The following HIPK2 variants were observed in gnomAD, a reference collection of about 807,000 sequenced individuals.
The protein encoded by HIPK2 is homeodomain interacting protein kinase 2, also known as homeodomain-interacting protein kinase 2.
HIPK2 carries 27 observed loss-of-function variants against 113.7 expected under a neutral mutation model. The observed-to-expected ratio is 0.24, with a 90% CI of 0.17 to 0.33. HIPK2 has a LOEUF of 0.33. HIPK2 is among the 10% of genes least tolerant of loss of function. The pLI is 1.00. For missense variants in HIPK2, 1,257 were observed against 1,588.0 expected, an observed-to-expected ratio of 0.79 and a Z score of 3.54; for synonymous variants, 631 against 642.2, an observed-to-expected ratio of 0.98 and a Z score of 0.26.
At chr7:139,646,094 C>T (rs1405313824) in intron 2 of HIPK2, among the ~76,000 whole-genome samples, 2 of 152,200 alleles carry the variant, frequency 1.3e-5, no homozygotes, top group African/African-American at 4.8e-5. Context: ...GCTCTTTACA[C>T]CTCCCACTAG....
chr7:139,754,783 G>T (rs1005386141), intron 1 of HIPK2, among the ~76,000 whole-genome samples: 30 of 152,164 alleles, frequency 2.0e-4, no homozygotes, highest in African/African-American at 7.2e-4. Context: ...GAGGGGAGCT[G>T]AAGGGGAGAG....
chr7:139,673,882 TACTAAAAAAAA>T (rs1802395880), intron 2 of HIPK2, among the ~76,000 whole-genome samples: 1 of 70,318 alleles, frequency 1.4e-5, no homozygotes. Context: ...ACCCTATCTG[TACTAAAAAAAA>T]AAAAAAAAAA....
chr7:139,624,109 G>A (rs962270934), intron 6 of HIPK2, among the ~76,000 whole-genome samples: 4 of 150,772 alleles, frequency 2.7e-5, no homozygotes, highest in Non-Finnish European at 5.9e-5. Context: ...TGCAACCTCC[G>A]CCTCCTGGGT....
Position 139,563,479 on chromosome 7 carries a change from TG to T in HIPK2, c.*9447del, listed in dbSNP as rs1226280810. Reference sequence around the variant, plus strand: ...TGCCAGGAGAGATTCGTTTGGAGATTGGTTACAAGGAAGCGAGGGAGAGCAG... The same window carrying T: ...TGCCAGGAGAGATTCGTTTGGAGATTGTTACAAGGAAGCGAGGGAGAGCAG... On this transcript the variant is annotated 3_prime_UTR_variant, in exon 15 of 15. Coordinates refer to ENST00000406875, the MANE Select transcript of HIPK2 (RefSeq NM_022740.5). The T allele has an allele frequency of 5.9e-6, 1 of 168,712 alleles. No individual in the cohort carries two copies. The highest frequency in any genetic ancestry group is 1.3e-5 in the Non-Finnish European group (1 of 79,246). 10.5% of individuals were successfully genotyped at this position (168,712 alleles called of 1,614,324 possible). A position where few individuals can be genotyped will look rare whatever the true frequency, so the allele number is the denominator to read the frequency against.
chr7:139,571,504 C>T lies in HIPK2; in HGVS notation c.*1423G>A, dbSNP rs1469915494. 2 of 152,318 alleles carry T rather than the reference C, an allele frequency of 1.3e-5. No individual in the cohort carries two copies. The highest frequency in any genetic ancestry group is 2.9e-5 in the Non-Finnish European group (2 of 68,114). The allele number at this position is 152,318 out of a possible 1,614,324, so 9.4% of individuals were successfully genotyped here. On this transcript the variant is annotated 3_prime_UTR_variant, in exon 15 of 15. Coordinates refer to ENST00000406875, the MANE Select transcript of HIPK2 (RefSeq NM_022740.5). ...ACTACTGCCACAACTCAACTCCCGC[C>T]GTCCCCATCTCCAGACGCACCCGCC...
chr7:139,734,739 T>A (rs1795890755), intron 1 of HIPK2, among the ~76,000 whole-genome samples: 1 of 152,216 alleles, frequency 6.6e-6, no homozygotes, highest in Admixed American at 6.5e-5. Context: ...GACCACTGAT[T>A]CATTAATGGC....
At chr7:139,697,326 G>A (rs1340943897) in intron 2 of HIPK2, among the ~76,000 whole-genome samples, 2 of 152,172 alleles carry the variant, frequency 1.3e-5, no homozygotes, top group Non-Finnish European at 2.9e-5. Context: ...TCCGAGTGAA[G>A]GAGAAAACAA....
rs1408618936 is a variant in HIPK2, at chr7:139,567,563, T to C, written c.*5364A>G. 6.6e-6 allele frequency: 1 copy of C among 152,158 alleles called. No homozygotes were observed. Among genetic ancestry groups the C allele is most frequent in the Admixed American group, 6.5e-5 (1 of 15,274 alleles). The allele number at this position is 152,158 out of a possible 1,614,324, so 9.4% of individuals were successfully genotyped here. A position where few individuals can be genotyped will look rare whatever the true frequency, so the allele number is the denominator to read the frequency against. ...GGCTAAAGAAAGGAACAGTTTCACC[T>C]TCCTTTCCAATTTGGTAAGGACATC... On this transcript the variant is annotated 3_prime_UTR_variant, in exon 15 of 15. Transcript: ENST00000406875.
intron 2 of HIPK2, among the ~76,000 whole-genome samples, chr7:139,667,687 G>C (rs1164233959): frequency 1.3e-5 from 2 of 152,052 alleles, no homozygotes. Context: ...CCAGATTCTC[G>C]GGAAAATATT....
At chr7:139,775,887 T>C (rs769593723) in intron 1 of HIPK2, among the ~76,000 whole-genome samples, 2 of 152,210 alleles carry the variant, frequency 1.3e-5, no homozygotes, top group Non-Finnish European at 2.9e-5. Flanking sequence ...CCAACTCACA[T>C]ACCCGGTCCC....
At chr7:139,705,400 G>A (rs971038803) in intron 2 of HIPK2, among the ~76,000 whole-genome samples, 11 of 150,726 alleles carry the variant, frequency 7.3e-5, no homozygotes, top group African/African-American at 1.7e-4. Context: ...TTTTTGAGAC[G>A]GAGTCTCGCT....
intron 2 of HIPK2, among the ~76,000 whole-genome samples, chr7:139,669,687 A>G (rs1269620550): frequency 1.3e-5 from 2 of 152,192 alleles, no homozygotes; most frequent in Non-Finnish European, 2.9e-5. Flanking sequence ...ATGAAATAAA[A>G]CGTACTAAAG....
At chr7:139,634,739 A>G (rs1800750830) in intron 2 of HIPK2, among the ~76,000 whole-genome samples, 1 of 135,374 alleles carries the variant, frequency 7.4e-6, no homozygotes, top group African/African-American at 3.0e-5. Context: ...GTGCAGTGGC[A>G]TGATCTTGGC....
chr7:139,578,041 G>A (rs747802625), intron 13 of HIPK2, among the ~76,000 whole-genome samples: 49 of 151,866 alleles, frequency 3.2e-4, no homozygotes, highest in Non-Finnish European at 5.2e-4. Context: ...ACAGAGTCTC[G>A]CTCTGTCGCC....
At chr7:139,586,713 C>T (rs1031178123) in intron 12 of HIPK2, among the ~76,000 whole-genome samples, 5 of 151,610 alleles carry the variant, frequency 3.3e-5, no homozygotes, top group Non-Finnish European at 5.9e-5. Context: ...GAGCTATGAT[C>T]ACACCACTGC....
intron 2 of HIPK2, among the ~76,000 whole-genome samples, chr7:139,674,967 G>T (rs762818268): frequency 1.3e-5 from 2 of 152,168 alleles, no homozygotes; most frequent in African/African-American, 4.8e-5. Context: ...GCACACTTCT[G>T]CATTTGCCTT....
At chr7:139,690,709 C>T (rs1294456674) in intron 2 of HIPK2, among the ~76,000 whole-genome samples, 4 of 152,096 alleles carry the variant, frequency 2.6e-5, no homozygotes, top group African/African-American at 7.2e-5. Context: ...GAGCCTGGCA[C>T]TCCCCTGCCC....
At chr7:139,741,379 C>T (rs951035742) in intron 1 of HIPK2, among the ~76,000 whole-genome samples, 5 of 152,316 alleles carry the variant, frequency 3.3e-5, no homozygotes, top group Admixed American at 6.5e-5. Flanking sequence ...TCCTTCGTAT[C>T]GTCCTGTCCT....
chr7:139,732,723 T>A (rs1795827119), intron 1 of HIPK2, among the ~76,000 whole-genome samples: 1 of 149,858 alleles, frequency 6.7e-6, no homozygotes, highest in African/African-American at 2.5e-5. Context: ...AGGGTCCTTG[T>A]GAGGAGTAAA....
Sources: gnomAD v4.1 joint callset for allele counts (sites outside exome capture counted in the v4.1 genomes callset) on GRCh38, gnomAD v4.1.1 for gene constraint, MANE v1.5 for transcripts, NCBI Gene and HGNC (gene_info 2026-07-23, HGNC 2026-07-21) for gene names.